The following SMARCA2 variants were observed in gnomAD, a reference collection of about 807,000 sequenced individuals.
SMARCA2 encodes the protein SWI/SNF related BAF chromatin remodeling complex subunit ATPase 2.
A neutral mutation model predicts 199.8 loss-of-function variants in SMARCA2; 61 were observed. That is an observed-to-expected ratio of 0.31 (90% CI 0.25 to 0.38). The LOEUF (loss-of-function observed/expected upper bound fraction) is 0.38. Among genes scored for constraint, SMARCA2 ranks in the 10% least tolerant of loss-of-function variants. The pLI is 1.00. For missense variants in SMARCA2, 1,344 were observed against 2,012.2 expected (o/e 0.67, Z 6.35); for synonymous variants, 935 against 732.0 (o/e 1.28, Z -4.48).
In SMARCA2 at chr9:2,088,879, A is replaced by ATTTT. The variant is rs375056248; in HGVS notation, c.2883+278_2883+281dup. Among the ~76,000 whole-genome samples, 85 of 137,978 alleles carry ATTTT rather than the reference A, an allele frequency of 6.2e-4. 2 individuals are homozygous for ATTTT. In the East Asian group the frequency reaches 9.2e-3, roughly 15 times the overall value. 90.5% of individuals were successfully genotyped at this position (137,978 alleles called of 152,430 possible). A position where few individuals can be genotyped will look rare whatever the true frequency, so the allele number is the denominator to read the frequency against. ...AGTCTCATTTACATTTTAATTTTAG[A>ATTTT]TTTTTTTTTTTTTTTAAATTACGGA... On this transcript the variant is annotated intron_variant, in intron 19 of 33. Transcript: ENST00000349721.
rs960449902 is a variant in SMARCA2, at chr9:2,123,667, T to A, written c.3763-52T>A. ...GGAAGTTGTGTAGTGCTGGGAAGTC[T>A]GCACCATACAGAAGCCCTGACTTTC... On this transcript the variant is annotated intron_variant, in intron 26 of 33. Transcript: ENST00000349721. This position sits in a 1 kb window ranked among gnomAD's most constrained non-coding sequence, Gnocchi z 4.1. 6.6e-7 allele frequency: 1 copy of A among 1,505,998 alleles called. No homozygotes were observed. The highest frequency in any genetic ancestry group is 1.4e-5 in the African/African-American group (1 of 73,064). 93.3% of individuals were successfully genotyped at this position (1,505,998 alleles called of 1,614,324 possible). A position where few individuals can be genotyped will look rare whatever the true frequency, so the allele number is the denominator to read the frequency against.
At chr9:2,057,729 T>A (rs1820419384) in intron 7 of SMARCA2, among the ~76,000 whole-genome samples, 1 of 152,222 alleles carries the variant, frequency 6.6e-6, no homozygotes, top group Non-Finnish European at 1.5e-5. Context: ...GTATTTGTTT[T>A]CCTGTGCTTA....
chr9:2,189,265 G>C (rs1008314090), intron 32 of SMARCA2, among the ~76,000 whole-genome samples: 1 of 152,172 alleles, frequency 6.6e-6, no homozygotes, highest in Non-Finnish European at 1.5e-5. Flanking sequence ...ACCTTAGGAA[G>C]CTGTTTATAG....
At chr9:2,172,577 A>G (rs1275525379) in intron 29 of SMARCA2, among the ~76,000 whole-genome samples, 4 of 152,142 alleles carry the variant, frequency 2.6e-5, no homozygotes, top group Non-Finnish European at 4.4e-5. Context: ...GACAGCCTGG[A>G]TGAGGCTGGA....
intron 29 of SMARCA2, among the ~76,000 whole-genome samples, chr9:2,177,002 T>TG (rs1398425317): frequency 6.6e-6 from 1 of 152,224 alleles, no homozygotes; most frequent in Non-Finnish European, 1.5e-5. Flanking sequence ...TCAATAAGGC[T>TG]GAGATGAGAG....
rs376841741 is a variant in SMARCA2, at chr9:2,186,047, C to T, written c.4462-49C>T. 12 of 1,584,224 alleles carry T rather than the reference C, an allele frequency of 7.6e-6. No homozygotes were observed. In the African/African-American group the frequency reaches 1.2e-4, roughly 16 times the overall value. On this transcript the variant is annotated intron_variant, in intron 31 of 33. Coordinates refer to ENST00000349721, the MANE Select transcript of SMARCA2 (RefSeq NM_003070.5). Reference sequence around the variant, plus strand: ...TATTGCATAAGGAAGAGTTCACTGCCATGGTAACTCAGCTTGCAGTTTTAA... The same window carrying T: ...TATTGCATAAGGAAGAGTTCACTGCTATGGTAACTCAGCTTGCAGTTTTAA...
chr9:2,053,439 G>A (rs1270959435), intron 5 of SMARCA2, among the ~76,000 whole-genome samples: 1 of 152,134 alleles, frequency 6.6e-6, no homozygotes, highest in Admixed American at 6.5e-5. Context: ...TTGGTATCAG[G>A]CAAATTGAGG....
At chr9:2,061,090 G>A (rs1820571781) in intron 9 of SMARCA2, 104 bp downstream of exon 9, 1 of 1,095,962 alleles carries the variant, frequency 9.1e-7, no homozygotes, top group South Asian at 1.6e-5. Context: ...CTGGTGGAAG[G>A]TTTAGATGAT....
Position 2,119,567 on chromosome 9 carries a change from CT to C in SMARCA2, c.3762+35del. 7.2e-7 allele frequency: 1 copy of C among 1,397,730 alleles called. No individual in the cohort carries two copies. The highest frequency in any genetic ancestry group is 1.0e-6 in the Non-Finnish European group (1 of 984,024). 86.6% of individuals were successfully genotyped at this position (1,397,730 alleles called of 1,614,324 possible). On this transcript the variant is annotated intron_variant, in intron 26 of 33. Transcript: ENST00000349721. The surrounding 1 kb of genome is among the most constrained non-coding windows in gnomAD (Gnocchi z 4.6). ...TTACAGAAAATCATGAACACAAATGCTTTATACCTCTGCCCCTTTTTCTGTT... is the reference window on the plus strand; with the variant it reads ...TTACAGAAAATCATGAACACAAATGCTTATACCTCTGCCCCTTTTTCTGTT...
rs767728769 is a variant in SMARCA2, at chr9:2,170,374, G to C, written c.4200-45G>C. 6.2e-7 allele frequency: 1 copy of C among 1,613,172 alleles called. No individual in the cohort carries two copies. Among genetic ancestry groups the C allele is most frequent in the African/African-American group, 1.3e-5 (1 of 75,022 alleles). ...GGAAGAAGGAGCCGGGCGGGGACGA[G>C]AACCCAGGTCTTCTGACTCTAGTGT... On this transcript the variant is annotated intron_variant, in intron 28 of 33. Transcript: ENST00000349721. This position sits in a 1 kb window ranked among gnomAD's most constrained non-coding sequence, Gnocchi z 4.7.
intron 4 of SMARCA2, 133 bp downstream of exon 4, chr9:2,040,033 C>A: frequency 6.8e-7 from 1 of 1,465,954 alleles, no homozygotes; most frequent in Non-Finnish European, 9.1e-7. Context: ...GCTCTCTATC[C>A]TTGCTCCACT....
At chr9:2,097,314 C>T (rs1822313706) in intron 20 of SMARCA2, 71 bp from the exon 21 acceptor site, 6 of 957,510 alleles carry the variant, frequency 6.3e-6, no homozygotes, top group Middle Eastern at 4.2e-4. Flanking sequence ...ATAAGAAGCC[C>T]AGTGTGAAGG....
At chr9:2,145,584 A>G (rs1824701905) in intron 27 of SMARCA2, among the ~76,000 whole-genome samples, 1 of 152,190 alleles carries the variant, frequency 6.6e-6, no homozygotes, top group Non-Finnish European at 1.5e-5. Context: ...AGTAGGGAAG[A>G]TGCAGAGAGT....
At position 2,104,260 on chromosome 9, in the gene SMARCA2, G is replaced by A. The variant is rs1166631783; in HGVS notation, c.3292+91G>A. On this transcript the variant is annotated intron_variant, in intron 23 of 33. Transcript: ENST00000349721. This position sits in a 1 kb window ranked among gnomAD's most constrained non-coding sequence, Gnocchi z 4.0. ...GGTCCAATCTCAGCCAAAAAGAAGG[G>A]GTAAAATTGAAGAATTGACTAGAAG... 1 of 1,197,710 alleles carries A rather than the reference G, an allele frequency of 8.3e-7. No individual in the cohort carries two copies. Among genetic ancestry groups the A allele is most frequent in the Non-Finnish European group, 1.2e-6 (1 of 849,308 alleles). 74.2% of individuals were successfully genotyped at this position (1,197,710 alleles called of 1,614,324 possible).
At chr9:2,166,626 C>T (rs1825942641) in intron 28 of SMARCA2, among the ~76,000 whole-genome samples, 1 of 152,102 alleles carries the variant, frequency 6.6e-6, no homozygotes, top group African/African-American at 2.4e-5. Flanking sequence ...ATTATGTTTA[C>T]TATGTTTATG....
chr9:2,164,907 T>C (rs372530954), intron 28 of SMARCA2, among the ~76,000 whole-genome samples: 7 of 152,236 alleles, frequency 4.6e-5, no homozygotes, highest in African/African-American at 1.2e-4. Context: ...ATGTTTCATA[T>C]ACATTTCATG....
At chr9:2,175,080 G>A (rs1486078671) in intron 29 of SMARCA2, among the ~76,000 whole-genome samples, 3 of 152,022 alleles carry the variant, frequency 2.0e-5, no homozygotes, top group Non-Finnish European at 4.4e-5. Context: ...AAGGTGGGGT[G>A]GGAAAAACTG....
intron 20 of SMARCA2, 89 bp from the exon 21 acceptor site, chr9:2,097,296 T>C: frequency 1.2e-6 from 1 of 821,094 alleles, no homozygotes; most frequent in African/African-American, 1.7e-5. Flanking sequence ...TGGTCCTTTG[T>C]CCTTTGTATA....
chr9:2,167,549 T>C (rs1378511495), intron 28 of SMARCA2, among the ~76,000 whole-genome samples: 2 of 152,176 alleles, frequency 1.3e-5, no homozygotes, highest in African/African-American at 2.4e-5. Flanking sequence ...TGAACACAGC[T>C]CCGGGGCACA....
Sources: allele counts gnomAD v4.1 joint callset (sites outside exome capture counted in the v4.1 genomes callset), GRCh38; gene constraint gnomAD v4.1.1; non-coding constraint Gnocchi (gnomAD v3.1); transcripts MANE v1.5; gene names NCBI Gene and HGNC (gene_info 2026-07-23, HGNC 2026-07-21).